ACP3: variants seen among roughly 807,000 people sequenced by gnomAD.
ACP3 encodes the protein prostatic acid phosphatase.
Under a neutral mutation model 45.6 loss-of-function variants are expected in ACP3, and 38 were observed. The observed-to-expected ratio is 0.83, with a 90% CI of 0.64 to 1.09. The LOEUF is 1.09. Ranked by LOEUF, ACP3 falls within the 50% of genes least tolerant of loss-of-function variation. ACP3 has a pLI of 0.00. For synonymous variants in ACP3, 162 were observed against 164.7 expected (o/e 0.98, Z 0.13); for missense variants, 466 against 463.2 (o/e 1.01, Z -0.05).
At chr3:132,317,661 C>A in intron 1 of ACP3, 85 bp downstream of exon 1, 4 of 1,430,310 alleles carry the variant, frequency 2.8e-6, no homozygotes, top group Non-Finnish European at 3.7e-6. Context: ...TTCATCTTAT[C>A]CTTGGATTGT....
intron 7 of ACP3, among the ~76,000 whole-genome samples, 160 bp downstream of exon 7, chr3:132,345,219 C>T (rs1006294145): frequency 1.3e-5 from 2 of 152,178 alleles, no homozygotes; most frequent in African/African-American, 2.4e-5. Context: ...ATGATACCTA[C>T]TTCATAGACA....
intron 10 of ACP3, among the ~76,000 whole-genome samples, chr3:132,366,583 G>A (rs1288225493): frequency 6.6e-6 from 1 of 152,134 alleles, no homozygotes; most frequent in Non-Finnish European, 1.5e-5. Flanking sequence ...GGAAGGCTCT[G>A]GGAAGAGCAA....
In ACP3 at chr3:132,328,436, T is replaced by G. The variant is rs1419876849; in HGVS notation, c.216+74T>G. The G allele has an allele frequency of 3.0e-6, 4 of 1,313,814 alleles. No individual in the cohort carries two copies. The Admixed American group carries it at 7.2e-5, about 23-fold the overall frequency. The allele number at this position is 1,313,814 out of a possible 1,614,324, so 81.4% of individuals were successfully genotyped here. Reference sequence around the variant, plus strand: ...GCTCACGCCTGTAATCCCAGCACTTTGGGAGGCCGAGGCAGGCGGATCAAC... The same window carrying G: ...GCTCACGCCTGTAATCCCAGCACTTGGGGAGGCCGAGGCAGGCGGATCAAC... On this transcript the variant is annotated intron_variant, in intron 2 of 9. Transcript: ENST00000336375.
intron 7 of ACP3, among the ~76,000 whole-genome samples, chr3:132,346,854 G>A (rs1937615438): frequency 6.6e-6 from 1 of 152,186 alleles, no homozygotes; most frequent in Non-Finnish European, 1.5e-5. Context: ...ACTACCACCT[G>A]GCTAGAAACA....
chr3:132,341,722 G>C (rs956628610), intron 5 of ACP3, among the ~76,000 whole-genome samples: 1 of 152,200 alleles, frequency 6.6e-6, no homozygotes, highest in Non-Finnish European at 1.5e-5. Context: ...CTCTATGACA[G>C]TCATCTGGCC....
Position 132,358,451 on chromosome 3 carries a change from T to G in ACP3, c.*1573T>G, listed in dbSNP as rs897568340. ...AAACTGCCCACTCTGCAAGAAGAAA[T>G]CATGATATAGCTTTGCCATGTGGCA... is the stretch of plus-strand genomic sequence containing the variant. On this transcript the variant is annotated 3_prime_UTR_variant, in exon 10 of 10. Transcript: ENST00000336375. 19 of 1,274,632 alleles carry G rather than the reference T, an allele frequency of 1.5e-5. No individual in the cohort carries two copies. The highest frequency in any genetic ancestry group is 4.7e-5 in the Admixed American group (2 of 42,326). The allele number at this position is 1,274,632 out of a possible 1,614,324, so 79.0% of individuals were successfully genotyped here.
intron 8 of ACP3, among the ~76,000 whole-genome samples, chr3:132,350,715 G>A (rs927524333): frequency 3.9e-5 from 6 of 152,160 alleles, no homozygotes; most frequent in African/African-American, 1.4e-4. Flanking sequence ...CAGCTGAAGG[G>A]CCATGTTGTC....
intron 5 of ACP3, among the ~76,000 whole-genome samples, chr3:132,341,934 A>G (rs1937557193): frequency 6.6e-6 from 1 of 152,236 alleles, no homozygotes; most frequent in Admixed American, 6.5e-5. Context: ...ATTGGGTCTC[A>G]TTATTGCGAC....
At chr3:132,349,846 G>A in intron 7 of ACP3, 74 bp from the exon 8 acceptor site, 1 of 1,047,984 alleles carries the variant, frequency 9.5e-7, no homozygotes, top group Non-Finnish European at 1.5e-6. Context: ...CAACTATGAA[G>A]TGACAAAAAG....
chr3:132,352,671 A>G (rs756452603), intron 8 of ACP3, 49 bp from the exon 9 acceptor site: 79 of 1,313,272 alleles, frequency 6.0e-5, no homozygotes, highest in Non-Finnish European at 8.7e-5. Flanking sequence ...CTTCATACCT[A>G]TTGAATGTGA....
At chr3:132,331,754 T>A in intron 3 of ACP3, 21 bp downstream of exon 3, 1 of 1,557,162 alleles carries the variant, frequency 6.4e-7, no homozygotes, top group Non-Finnish European at 8.8e-7. Flanking sequence ...GAGCCAAGAG[T>A]GGGAACTTTG....
At position 132,321,878 on chromosome 3, in the gene ACP3, C is replaced by A. The variant is rs149129053; in HGVS notation, c.120+4302C>A. Among the ~76,000 whole-genome samples the A allele has an allele frequency of 1.2e-3, 185 of 152,204 alleles. 2 individuals are homozygous for A. The East Asian group carries it at 0.033, about 27-fold the overall frequency. On this transcript the variant is annotated intron_variant, in intron 1 of 9. Coordinates refer to ENST00000336375, the MANE Select transcript of ACP3 (RefSeq NM_001099.5). ...TAAGCTAAATGTCTGAATAATATAA[C>A]AACAAAAATAATTATAACAAATATA...
In ACP3 at chr3:132,331,663, A is replaced by T. The variant is rs200940528; in HGVS notation, c.233A>T (p.His78Leu). The T allele has an allele frequency of 5.6e-5, 90 of 1,604,618 alleles. No individual in the cohort carries two copies. Among genetic ancestry groups the T allele is most frequent in the Non-Finnish European group, 8.5e-6 (10 of 1,177,816 alleles). Residue 78 changes from histidine (H) to leucine (L), a missense_variant, in exon 3 of 10, where the codon CAT becomes CTT. His to Leu is a moderately conservative substitution (Grantham distance 99). Transcript: ENST00000336375. The stretch of plus-strand genomic sequence containing the variant: ...TTCCCATAGCTGGGCATGGAGCAGC[A>T]TTATGAACTTGGAGAGTATATAAGA... ...GQLTQLGMEQ[H>L]YELGEYIRKR...
chr3:132,349,594 C>A (rs1328645701), intron 7 of ACP3, among the ~76,000 whole-genome samples: 1 of 152,164 alleles, frequency 6.6e-6, no homozygotes, highest in Non-Finnish European at 1.5e-5. Context: ...AGCCTCCTAA[C>A]CTGAGCTTTA....
chr3:132,362,316 C>T (rs1413685277), downstream of ACP3, among the ~76,000 whole-genome samples: 1 of 152,198 alleles, frequency 6.6e-6, no homozygotes, highest in African/African-American at 2.4e-5. Flanking sequence ...ATCATACTCA[C>T]TTTTCATTCC....
intron 4 of ACP3, among the ~76,000 whole-genome samples, chr3:132,336,176 C>T (rs1457633268): frequency 2.6e-5 from 4 of 152,082 alleles, no homozygotes; most frequent in African/African-American, 4.8e-5. Context: ...AGGAGAATGG[C>T]GTGAACCTGG....
chr3:132,342,973 CCTTGGT>C (rs973097682), intron 6 of ACP3, among the ~76,000 whole-genome samples: 7 of 152,110 alleles, frequency 4.6e-5, no homozygotes, highest in African/African-American at 1.7e-4. Flanking sequence ...GGGTTCCTGT[CCTTGGT>C]CTTAATGAAA....
chr3:132,352,860 G>A, intron 9 of ACP3, 37 bp downstream of exon 9: 1 of 1,411,992 alleles, frequency 7.1e-7, no homozygotes, highest in Non-Finnish European at 1.0e-6. Flanking sequence ...CAGTATCACT[G>A]GACCTTGGGT....
exon 11 of ACP3, chr3:132,368,120 A>T: frequency 8.8e-6 from 2 of 227,668 alleles, no homozygotes. Flanking sequence ...GAGAAATAAG[A>T]AGCCAAACTC....
Sources: gnomAD v4.1 joint callset for allele counts (sites outside exome capture counted in the v4.1 genomes callset) on GRCh38, gnomAD v4.1.1 for gene constraint, MANE v1.5 for transcripts, NCBI Gene and HGNC (gene_info 2026-07-23, HGNC 2026-07-21) for gene names.